SRFBP1: variants seen among roughly 807,000 people sequenced by gnomAD.
SRFBP1 encodes the protein serum response factor-binding protein 1.
Under a neutral mutation model 45.5 loss-of-function variants are expected in SRFBP1, and 47 were observed. The observed-to-expected ratio is 1.03, with a 90% CI of 0.82 to 1.32. The LOEUF (loss-of-function observed/expected upper bound fraction) is 1.32, where lower values mean the gene tolerates loss of function less well. Among genes scored for constraint, SRFBP1 ranks in the 40% most tolerant of loss-of-function variants. The pLI is 0.00. For missense variants in SRFBP1, 621 were observed against 484.6 expected (o/e 1.28, Z -2.64); for synonymous variants, 203 against 166.3 (o/e 1.22, Z -1.70).
At chr5:122,075,646 C>A, downstream of SRFBP1, 1 of 701,280 alleles carries the variant, frequency 1.4e-6, no homozygotes, top group Non-Finnish European at 2.2e-6. Context: ...CCTCCTTTCC[C>A]AACTAGACTA....
chr5:122,013,304 G>T (rs2112698697), intron 4 of SRFBP1, among the ~76,000 whole-genome samples: 1 of 152,110 alleles, frequency 6.6e-6, no homozygotes, highest in East Asian at 1.9e-4. Context: ...ATGGTATTGG[G>T]TAGGCAACTT....
intron 3 of SRFBP1, among the ~76,000 whole-genome samples, chr5:121,979,893 A>C (rs1752374846): frequency 6.6e-6 from 1 of 152,196 alleles, no homozygotes; most frequent in African/African-American, 2.4e-5. Flanking sequence ...GCCAGGCTTC[A>C]TAAACCCATA....
At chr5:122,073,929 G>A (rs1754532081) in intron 2 of SRFBP1, 1 of 1,263,478 alleles carries the variant, frequency 7.9e-7, no homozygotes. Context: ...TGCTCTTCAT[G>A]AAATGCTATT....
chr5:122,000,472 G>T (rs906511595), intron 4 of SRFBP1, among the ~76,000 whole-genome samples: 1 of 152,042 alleles, frequency 6.6e-6, no homozygotes. Flanking sequence ...TTGAAGAGTA[G>T]ATCTGCTGGC....
chr5:121,994,737 T>G, intron 4 of SRFBP1, 67 bp downstream of exon 4: 1 of 1,086,246 alleles, frequency 9.2e-7, no homozygotes. Flanking sequence ...ACTTTTTTCT[T>G]GAAGAGAAAA....
chr5:121,978,466 AAT>A (rs1752346961), intron 3 of SRFBP1, among the ~76,000 whole-genome samples: 1 of 152,106 alleles, frequency 6.6e-6, no homozygotes, highest in South Asian at 2.1e-4. Context: ...CTGACAGGTA[AAT>A]ATACACAGTA....
At chr5:122,070,765 C>G in intron 2 of SRFBP1, 1 of 459,410 alleles carries the variant, frequency 2.2e-6, no homozygotes, top group Non-Finnish European at 3.9e-6. Context: ...TATAGCACCT[C>G]CAGCTAAAAA....
intron 2 of SRFBP1, among the ~76,000 whole-genome samples, chr5:122,071,995 T>C (rs1754465406): frequency 6.6e-6 from 1 of 152,208 alleles, no homozygotes; most frequent in African/African-American, 2.4e-5. Context: ...CTTAACAGTA[T>C]GTTGAGTAGT....
chr5:121,963,539 A>C (rs1266225667), intron 1 of SRFBP1, among the ~76,000 whole-genome samples: 3 of 152,040 alleles, frequency 2.0e-5, no homozygotes, highest in Non-Finnish European at 4.4e-5. Context: ...CACTTAGCTA[A>C]CTTTTGTTCT....
At position 122,027,468 on chromosome 5, in the gene SRFBP1, A is replaced by G. The variant is rs2112717048; in HGVS notation, c.*342A>G. 1 of 157,416 alleles carries G rather than the reference A, an allele frequency of 6.4e-6. No individual in the cohort carries two copies. Among genetic ancestry groups the G allele is most frequent in the Admixed American group, 6.4e-5 (1 of 15,604 alleles). 9.8% of individuals were successfully genotyped at this position (157,416 alleles called of 1,614,324 possible). A position where few individuals can be genotyped will look rare whatever the true frequency, so the allele number is the denominator to read the frequency against. On this transcript the variant is annotated 3_prime_UTR_variant, in exon 8 of 8. Coordinates refer to ENST00000339397, the MANE Select transcript of SRFBP1 (RefSeq NM_152546.3). ...TATATAAGCCTTTCACAAATCCAAT[A>G]TGTACTTAAATTGATTTTTAATAAT... is the stretch of plus-strand genomic sequence containing the variant.
chr5:122,012,591 C>A (rs1753118717), intron 4 of SRFBP1, among the ~76,000 whole-genome samples: 1 of 152,026 alleles, frequency 6.6e-6, no homozygotes, highest in Non-Finnish European at 1.5e-5. Context: ...ACTAACATGT[C>A]ATCAAGACGA....
At chr5:122,053,118 C>T (rs1338596290) in intron 2 of SRFBP1, among the ~76,000 whole-genome samples, 3 of 152,106 alleles carry the variant, frequency 2.0e-5, no homozygotes, top group African/African-American at 7.2e-5. Context: ...CAAGCTATGT[C>T]CTTGCCCAGT....
intron 1 of SRFBP1, among the ~76,000 whole-genome samples, chr5:121,963,658 A>G (rs1751997898): frequency 6.6e-6 from 1 of 152,172 alleles, no homozygotes; most frequent in South Asian, 2.1e-4. Context: ...CTCTGGAAAC[A>G]CTTATGTAAC....
intron 2 of SRFBP1, among the ~76,000 whole-genome samples, chr5:122,043,088 T>C (rs1226810361): frequency 1.3e-5 from 2 of 152,172 alleles, no homozygotes; most frequent in Non-Finnish European, 2.9e-5. Flanking sequence ...TTTTTCTACT[T>C]TCTTAAGTAC....
intron 4 of SRFBP1, among the ~76,000 whole-genome samples, chr5:122,006,181 A>AT (rs36070438): frequency 0.094 from 14,289 of 151,550 alleles, 1,193 homozygotes; most frequent in African/African-American, 0.22. Context: ...CTTCATTGGC[A>AT]TTTTTTTTCA....
At chr5:121,991,979 A>G (rs1234874855) in intron 3 of SRFBP1, among the ~76,000 whole-genome samples, 1 of 152,168 alleles carries the variant, frequency 6.6e-6, no homozygotes, top group Non-Finnish European at 1.5e-5. Flanking sequence ...GGCATTATTT[A>G]TGGCACGTAG....
intron 3 of SRFBP1, among the ~76,000 whole-genome samples, chr5:121,985,701 C>G (rs1193339298): frequency 6.6e-6 from 1 of 151,860 alleles, no homozygotes; most frequent in African/African-American, 2.4e-5. Flanking sequence ...ATTCTTTCAA[C>G]AAGCACTTAT....
At chr5:122,069,347 C>A (rs1358879457) in intron 2 of SRFBP1, among the ~76,000 whole-genome samples, 1 of 152,104 alleles carries the variant, frequency 6.6e-6, no homozygotes, top group Non-Finnish European at 1.5e-5. Flanking sequence ...TATAATCTAG[C>A]ACCCAGCAAC....
At chr5:122,045,209 T>G (rs1753836931) in intron 2 of SRFBP1, among the ~76,000 whole-genome samples, 1 of 152,200 alleles carries the variant, frequency 6.6e-6, no homozygotes, top group Non-Finnish European at 1.5e-5. Flanking sequence ...TCTGTTTTGG[T>G]CTATGTGTCT....
Sources: allele counts gnomAD v4.1 joint callset (sites outside exome capture counted in the v4.1 genomes callset), GRCh38; gene constraint gnomAD v4.1.1; transcripts MANE v1.5; gene names NCBI Gene and HGNC (gene_info 2026-07-23, HGNC 2026-07-21).